Variants in CLHC1 observed in about 807,000 individuals in gnomAD.
The protein encoded by CLHC1 is clathrin heavy chain linker domain-containing protein 1.
CLHC1 carries 72 observed loss-of-function variants against 69.5 expected under a neutral mutation model. That is an observed-to-expected ratio of 1.04 (90% CI 0.86 to 1.26). CLHC1 has a LOEUF of 1.26. Among genes scored for constraint, CLHC1 ranks in the 50% most tolerant of loss-of-function variants. CLHC1 has a pLI of 0.00. For synonymous variants in CLHC1, 223 were observed against 224.3 expected, an observed-to-expected ratio of 0.99 and a Z score of 0.05; for missense variants, 790 against 679.3, an observed-to-expected ratio of 1.16 and a Z score of -1.81.
At chr2:55,205,677 T>A (rs1178398415) in intron 9 of CLHC1, 1 of 152,360 alleles carries the variant, frequency 6.6e-6, no homozygotes, top group Non-Finnish European at 1.5e-5. Context: ...GTGGATTGCC[T>A]GAGGTTAGGA....
At position 55,222,397 on chromosome 2, in the gene CLHC1, T is replaced by G. The variant is rs758008783; in HGVS notation, c.15A>C (p.Gln5His). 1.2e-5 allele frequency: 19 copies of G among 1,613,466 alleles called. No homozygotes were observed. Among genetic ancestry groups the G allele is most frequent in the Non-Finnish European group, 1.6e-5 (19 of 1,179,832 alleles). Residue 5 changes from glutamine (Q) to histidine (H), a missense_variant, in exon 3 of 13, where the codon CAA becomes CAC. Physicochemically the swap from Gln to His is conservative, Grantham distance 24. Transcript: ENST00000401408. ...GTGGGAGAACTGCATGTTTTCTTATTTGATGAACTGACATATTTGACAATC... is the reference window on the plus strand; with the variant it reads ...GTGGGAGAACTGCATGTTTTCTTATGTGATGAACTGACATATTTGACAATC... MSVH[Q>H]IRKHAVLPPI...
At position 55,217,418 on chromosome 2, in the gene CLHC1, G is replaced by A. The variant is rs567383156; in HGVS notation, c.365+393C>T. Among the ~76,000 whole-genome samples the A allele has an allele frequency of 3.3e-4, 48 of 147,228 alleles. 2 individuals are homozygous for A. The South Asian group carries it at 9.9e-3, about 30-fold the overall frequency. ...TGCACCTGTAGTCCCAGCTATTCAGGAGGCTGAGGCAAGACAACTGCTTGA... is the reference window on the plus strand; with the variant it reads ...TGCACCTGTAGTCCCAGCTATTCAGAAGGCTGAGGCAAGACAACTGCTTGA... On this transcript the variant is annotated intron_variant, in intron 4 of 12. Coordinates refer to ENST00000401408, the MANE Select transcript of CLHC1 (RefSeq NM_152385.4).
At position 55,175,524 on chromosome 2, in the gene CLHC1, T is replaced by C. The variant is rs956365877; in HGVS notation, c.*266A>G. On this transcript the variant is annotated 3_prime_UTR_variant, in exon 13 of 13. Transcript: ENST00000401408. ...CTGGACATTAGCTTATGTCCTTAGA[T>C]AAAAATGCCCTACACTGTTTCACAC... is the stretch of plus-strand genomic sequence containing the variant. 9.0e-5 allele frequency: 36 copies of C among 400,222 alleles called. No homozygotes were observed. The highest frequency in any genetic ancestry group is 2.0e-5 in the African/African-American group (1 of 50,038). The allele number at this position is 400,222 out of a possible 1,614,324, so 24.8% of individuals were successfully genotyped here.
chr2:55,221,665 C>T (rs1363767746), intron 3 of CLHC1, among the ~76,000 whole-genome samples: 1 of 152,108 alleles, frequency 6.6e-6, no homozygotes, highest in Non-Finnish European at 1.5e-5. Flanking sequence ...GTACATACAG[C>T]CAGGTAGTTG....
intron 9 of CLHC1, among the ~76,000 whole-genome samples, chr2:55,191,317 C>T (rs1037005867): frequency 1.3e-5 from 2 of 152,132 alleles, no homozygotes; most frequent in African/African-American, 4.8e-5. Flanking sequence ...GCTCACTGCA[C>T]CTCCACCTCC....
Position 55,206,275 on chromosome 2 carries a change from A to G in CLHC1, c.1001T>C (p.Phe334Ser). The G allele has an allele frequency of 8.9e-6, 14 of 1,566,366 alleles. No homozygotes were observed. Among genetic ancestry groups the G allele is most frequent in the Non-Finnish European group, 1.2e-5 (14 of 1,137,196 alleles). ...ILRNIGTMNT[F>S]KAVGKIRGKP... is the part of the protein sequence containing the mutation. Reference sequence around the variant, plus strand: ...GTTCAGAGAGAAATGCTTACCCTTAAATGTATTCATTGTACCAATGTTTCG... The same window carrying G: ...GTTCAGAGAGAAATGCTTACCCTTAGATGTATTCATTGTACCAATGTTTCG... Residue 334 changes from phenylalanine to serine, a missense_variant, in exon 9 of 13, where the codon TTT (phenylalanine) becomes TCT (serine). Transcript: ENST00000401408.
intron 1 of CLHC1, among the ~76,000 whole-genome samples, chr2:55,231,526 G>C (rs56339196): frequency 0.39 from 59,639 of 151,942 alleles, 13,081 homozygotes; most frequent in East Asian, 0.54. Context: ...TTAGAAAGGA[G>C]GAAAGACTGG....
chr2:55,228,941 G>A (rs2104154352), intron 1 of CLHC1, among the ~76,000 whole-genome samples: 1 of 152,218 alleles, frequency 6.6e-6, no homozygotes, highest in South Asian at 2.1e-4. Flanking sequence ...CTTGAGGTTA[G>A]GAGTTTGAGA....
Position 55,177,618 on chromosome 2 carries a change from G to A in CLHC1, c.1548C>T (p.Ile516=), listed in dbSNP as rs1017044217. 3 of 1,602,690 alleles carry A rather than the reference G, an allele frequency of 1.9e-6. No individual in the cohort carries two copies. The African/African-American group carries it at 4.0e-5, about 22-fold the overall frequency. The change falls in exon 12 of 13, where the codon ATC becomes ATT. Residue 516 remains isoleucine, a synonymous_variant. Coordinates refer to ENST00000401408, the MANE Select transcript of CLHC1 (RefSeq NM_152385.4). Reference sequence around the variant, plus strand: ...TCTACTTACCTATCCCACCTTTATTGATTTCTTGAAGTAGCTTAATGCCAA... The same window carrying A: ...TCTACTTACCTATCCCACCTTTATTAATTTCTTGAAGTAGCTTAATGCCAA... ...KKVGIKLLQE[I]NKGGIDAVES...
intron 3 of CLHC1, among the ~76,000 whole-genome samples, chr2:55,218,833 C>T (rs565423103): frequency 1.2e-4 from 18 of 152,268 alleles, no homozygotes; most frequent in African/African-American, 4.1e-4. Context: ...TTGAAGAATA[C>T]AGAGAATAGA....
chr2:55,176,288 C>T (rs1283576826), intron 12 of CLHC1, among the ~76,000 whole-genome samples: 2 of 152,206 alleles, frequency 1.3e-5, no homozygotes, highest in Non-Finnish European at 2.9e-5. Flanking sequence ...ATGTTGAAGG[C>T]TATAAGGCAG....
chr2:55,188,720 T>C (rs141024680), intron 9 of CLHC1, among the ~76,000 whole-genome samples: 1 of 152,022 alleles, frequency 6.6e-6, no homozygotes, highest in Non-Finnish European at 1.5e-5. Context: ...GATAAATACA[T>C]TGTAGTACAT....
At chr2:55,189,193 A>G (rs535232375) in intron 9 of CLHC1, among the ~76,000 whole-genome samples, 5 of 152,300 alleles carry the variant, frequency 3.3e-5, no homozygotes, top group African/African-American at 1.2e-4. Flanking sequence ...AAGCCAAGAT[A>G]GGAGAAAAGA....
rs17046778 is a variant in CLHC1, at chr2:55,232,237, T to G, written c.-270A>C. On this transcript the variant is annotated 5_prime_UTR_variant, in exon 1 of 13. Transcript: ENST00000401408. ...CTTCATCCTACCTCCAGTCCTCACCTGAGTCCTTTTCTCCAAACACCGACT... is the reference window on the plus strand; with the variant it reads ...CTTCATCCTACCTCCAGTCCTCACCGGAGTCCTTTTCTCCAAACACCGACT... The G allele has an allele frequency of 0.14, 25,130 of 179,762 alleles. 2,092 individuals carry two copies. Among genetic ancestry groups the G allele is most frequent in the East Asian group, 0.27 (1,951 of 7,208 alleles). The allele number at this position is 179,762 out of a possible 1,614,324, so 11.1% of individuals were successfully genotyped here.
At position 55,217,890 on chromosome 2, in the gene CLHC1, G is replaced by T. The variant is rs759727366; in HGVS notation, c.286C>A (p.His96Asn). The T allele has an allele frequency of 6.2e-7, 1 of 1,606,194 alleles. No individual in the cohort carries two copies. The highest frequency in any genetic ancestry group is 8.5e-7 in the Non-Finnish European group (1 of 1,176,608). Reference sequence around the variant, plus strand: ...GCTGCCAAACCTTTAAGTTTTCCATGAAGACAAAATGTAGTTCTTCGGTCT... The same window carrying T: ...GCTGCCAAACCTTTAAGTTTTCCATTAAGACAAAATGTAGTTCTTCGGTCT... ...KKDRRTTFCL[H>N]GKLKGLAAEP... Residue 96 changes from histidine to asparagine, a missense_variant, in exon 4 of 13, where the codon CAT becomes AAT. Physicochemically the swap from His to Asn is moderately conservative, Grantham distance 68 (BLOSUM62 1). Coordinates refer to ENST00000401408, the MANE Select transcript of CLHC1 (RefSeq NM_152385.4).
chr2:55,177,055 T>C (rs1398684787), intron 12 of CLHC1, among the ~76,000 whole-genome samples: 7 of 152,052 alleles, frequency 4.6e-5, no homozygotes, highest in Non-Finnish European at 8.8e-5. Flanking sequence ...ATCTTTTTCA[T>C]AGAGACACGG....
At chr2:55,215,344 T>A (rs1166364523) in intron 4 of CLHC1, among the ~76,000 whole-genome samples, 1 of 152,232 alleles carries the variant, frequency 6.6e-6, no homozygotes, top group African/African-American at 2.4e-5. Context: ...ATTCTCTTCA[T>A]TGTAGAGCTG....
chr2:55,218,031 T>A (rs541878453), intron 3 of CLHC1, 33 bp from the exon 4 acceptor site: 1 of 1,209,136 alleles, frequency 8.3e-7, no homozygotes, highest in African/African-American at 1.6e-5. Flanking sequence ...ATGGTATTGA[T>A]TTTTTTTCTA....
intron 9 of CLHC1, among the ~76,000 whole-genome samples, chr2:55,202,669 G>A (rs1269990184): frequency 6.6e-6 from 1 of 151,914 alleles, no homozygotes; most frequent in Non-Finnish European, 1.5e-5. Flanking sequence ...GGTCAAGGCG[G>A]GCTGATCACT....
Sources: gnomAD v4.1 joint callset for allele counts (sites outside exome capture counted in the v4.1 genomes callset) on GRCh38, gnomAD v4.1.1 for gene constraint, MANE v1.5 for transcripts, NCBI Gene and HGNC (gene_info 2026-07-23, HGNC 2026-07-21) for gene names.